The following DPYSL2 variants were observed in gnomAD, a reference collection of about 807,000 sequenced individuals.
DPYSL2 encodes the protein dihydropyrimidinase like 2, also known as dihydropyrimidinase-related protein 2.
DPYSL2 carries 13 observed loss-of-function variants against 69.9 expected under a neutral mutation model. The ratio of observed to expected loss-of-function variants is 0.19; its 90% CI spans 0.12 to 0.30. The LOEUF (loss-of-function observed/expected upper bound fraction) is 0.30, where lower values mean the gene tolerates loss of function less well. Ranked by LOEUF, DPYSL2 falls within the 10% of genes least tolerant of loss-of-function variation. DPYSL2 has a pLI of 1.00. For missense variants in DPYSL2, 587 were observed against 918.9 expected (o/e 0.64, Z 4.67); for synonymous variants, 326 against 359.1 (o/e 0.91, Z 1.04).
At position 26,571,520 on chromosome 8, in the gene DPYSL2, C is replaced by G. The variant is rs1415842741; in HGVS notation, c.355-10449C>G. ...CTGTAGCCACCCAGAGAATGAGGTG[C>G]AGGGTGGGCATTGCAGGAGTTCTTC... On this transcript the variant is annotated intron_variant, in intron 1 of 13. Transcript: ENST00000521913. This position sits in a 1 kb window ranked among gnomAD's most constrained non-coding sequence, Gnocchi z 6.1. Among the ~76,000 whole-genome samples, 2 of 152,132 alleles carry G rather than the reference C, an allele frequency of 1.3e-5. No individual in the cohort carries two copies. Among genetic ancestry groups the G allele is most frequent in the East Asian group, 3.9e-4 (2 of 5,194 alleles).
rs1179046372 is a variant in DPYSL2 at position 26,560,811 on chromosome 8, T to C, written c.355-21158T>C. On this transcript the variant is annotated intron_variant, in intron 1 of 13. Transcript: ENST00000521913. This position sits in a 1 kb window ranked among gnomAD's most constrained non-coding sequence, Gnocchi z 4.4. Reference sequence around the variant, plus strand: ...TGGACATTAGTATGATCTATGTAAGTATAATCACCAGCAGTTACAAAGTGC... The same window carrying C: ...TGGACATTAGTATGATCTATGTAAGCATAATCACCAGCAGTTACAAAGTGC... Among the ~76,000 whole-genome samples the C allele has an allele frequency of 6.6e-6, 1 of 152,186 alleles. No individual in the cohort carries two copies. The highest frequency in any genetic ancestry group is 2.4e-5 in the African/African-American group (1 of 41,442).
At chr8:26,606,471 C>T (rs1802109424) in intron 3 of DPYSL2, among the ~76,000 whole-genome samples, 1 of 151,716 alleles carries the variant, frequency 6.6e-6, no homozygotes, top group African/African-American at 2.4e-5. Flanking sequence ...AAAAGGATAA[C>T]GAAGTAGGAC....
rs1801536219 is a variant in DPYSL2 at position 26,583,675 on chromosome 8, C to T, written c.444-124C>T. 7 of 857,122 alleles carry T rather than the reference C, an allele frequency of 8.2e-6. No individual in the cohort carries two copies. The East Asian group carries it at 1.9e-4, about 23-fold the overall frequency. The allele number at this position is 857,122 out of a possible 1,614,324, so 53.1% of individuals were successfully genotyped here. A position where few individuals can be genotyped will look rare whatever the true frequency, so the allele number is the denominator to read the frequency against. ...TATAGTGTTTTATTATGAATCGTAA[C>T]AATGATCTGAAAAGCCCACGGCACA... On this transcript the variant is annotated intron_variant, in intron 2 of 13. Coordinates refer to ENST00000521913, the MANE Select transcript of DPYSL2 (RefSeq NM_001197293.3).
Position 26,610,365 on chromosome 8 carries a change from G to T in DPYSL2, c.629-13778G>T, listed in dbSNP as rs1802197785. ...ACATCACAGTGTCCTGTATTTGGGGGCTGCCCTGGGATGTGAAAAGTCTGT... is the reference window on the plus strand; with the variant it reads ...ACATCACAGTGTCCTGTATTTGGGGTCTGCCCTGGGATGTGAAAAGTCTGT... On this transcript the variant is annotated intron_variant, in intron 3 of 13. Transcript: ENST00000521913. The surrounding 1 kb of genome is among the most constrained non-coding windows in gnomAD (Gnocchi z 4.5). 6.6e-6 allele frequency among the ~76,000 whole-genome samples: 1 copy of T among 152,212 alleles called. No homozygotes were observed. Among genetic ancestry groups the T allele is most frequent in the Non-Finnish European group, 1.5e-5 (1 of 68,038 alleles).
intron 3 of DPYSL2, among the ~76,000 whole-genome samples, chr8:26,604,779 A>G (rs1802073398): frequency 6.6e-6 from 1 of 151,778 alleles, no homozygotes; most frequent in Non-Finnish European, 1.5e-5. Context: ...CTCCTGCCTC[A>G]GCCTCCCAAG....
At chr8:26,579,454 C>A (rs62491890) in intron 1 of DPYSL2, among the ~76,000 whole-genome samples, 2,080 of 152,332 alleles carry the variant, frequency 0.014, 26 homozygotes, top group Middle Eastern at 0.068. Flanking sequence ...CCAGCTGATT[C>A]CCGGGTAGAA....
At position 26,565,794 on chromosome 8, in the gene DPYSL2, C is replaced by A. The variant is rs912316017; in HGVS notation, c.355-16175C>A. ...CAGGGTCCCCGCTCCATGCAATTAA[C>A]TGGAAAGTCAAACTGCTGGTGGTTC... On this transcript the variant is annotated intron_variant, in intron 1 of 13. Transcript: ENST00000521913. The surrounding 1 kb of genome is among the most constrained non-coding windows in gnomAD (Gnocchi z 4.1). 6.6e-6 allele frequency among the ~76,000 whole-genome samples: 1 copy of A among 152,188 alleles called. No individual in the cohort carries two copies. The highest frequency in any genetic ancestry group is 2.4e-5 in the African/African-American group (1 of 41,450).
At position 26,620,437 on chromosome 8, in the gene DPYSL2, G is replaced by T. The variant is rs553013358; in HGVS notation, c.629-3706G>T. On this transcript the variant is annotated intron_variant, in intron 3 of 13. Coordinates refer to ENST00000521913, the MANE Select transcript of DPYSL2 (RefSeq NM_001197293.3). This position sits in a 1 kb window ranked among gnomAD's most constrained non-coding sequence, Gnocchi z 4.5. Reference sequence around the variant, plus strand: ...ACACCCAGTTAATTTTGTATTTTTAGTAGAGACGAGGTTTCATCATGTTGC... The same window carrying T: ...ACACCCAGTTAATTTTGTATTTTTATTAGAGACGAGGTTTCATCATGTTGC... Among the ~76,000 whole-genome samples, 1 of 151,696 alleles carries T rather than the reference G, an allele frequency of 6.6e-6. No individual in the cohort carries two copies. The highest frequency in any genetic ancestry group is 1.5e-5 in the Non-Finnish European group (1 of 67,904).
At chr8:26,629,560 G>A (rs959306931) in intron 7 of DPYSL2, among the ~76,000 whole-genome samples, 4 of 152,128 alleles carry the variant, frequency 2.6e-5, no homozygotes, top group South Asian at 2.1e-4. Flanking sequence ...CTTCTCATGC[G>A]TGCTAAAGGC....
chr8:26,577,046 C>T (rs1416072975), intron 1 of DPYSL2: 1 of 387,788 alleles, frequency 2.6e-6, no homozygotes, highest in Middle Eastern at 4.1e-4. Flanking sequence ...TACTAAGTTC[C>T]TCGCGGCCGG....
intron 1 of DPYSL2, among the ~76,000 whole-genome samples, chr8:26,575,153 C>CT (rs1185188413): frequency 2.0e-5 from 3 of 152,184 alleles, no homozygotes; most frequent in Non-Finnish European, 4.4e-5. Flanking sequence ...AGCCTAGTCT[C>CT]TAATATTTGT....
chr8:26,529,375 G>A (rs1800458059), intron 1 of DPYSL2, among the ~76,000 whole-genome samples: 1 of 151,286 alleles, frequency 6.6e-6, no homozygotes, highest in South Asian at 2.1e-4. Flanking sequence ...TGTCTCCCAG[G>A]CTGCAGTGCA....
chr8:26,652,240 C>G lies in DPYSL2; in HGVS notation c.1597-17C>G. The stretch of plus-strand genomic sequence containing the variant: ...CCAGAGTGGCCTGTTCTAGAGTTTA[C>G]TTTGCCTTCTTCTCAGTCTCTCGAG... On this transcript the variant is annotated splice_polypyrimidine_tract_variant and intron_variant, in intron 11 of 13. Coordinates refer to ENST00000521913, the MANE Select transcript of DPYSL2 (RefSeq NM_001197293.3). This position sits in a 1 kb window ranked among gnomAD's most constrained non-coding sequence, Gnocchi z 6.3. 2 of 1,606,766 alleles carry G rather than the reference C, an allele frequency of 1.2e-6. No homozygotes were observed. The highest frequency in any genetic ancestry group is 1.7e-6 in the Non-Finnish European group (2 of 1,175,922).
Position 26,595,152 on chromosome 8 carries a change from G to A in DPYSL2, c.628+11169G>A, listed in dbSNP as rs549442508. Reference sequence around the variant, plus strand: ...GTAGGAGGATTGCTTGAGCCCCAGAGTTTGAGGGTGCAGTGAGCTATGATT... The same window carrying A: ...GTAGGAGGATTGCTTGAGCCCCAGAATTTGAGGGTGCAGTGAGCTATGATT... On this transcript the variant is annotated intron_variant, in intron 3 of 13. Coordinates refer to ENST00000521913, the MANE Select transcript of DPYSL2 (RefSeq NM_001197293.3). Among the ~76,000 whole-genome samples, 84 of 152,194 alleles carry A rather than the reference G, an allele frequency of 5.5e-4. 1 individual carries two copies. The East Asian group carries it at 0.013, about 23-fold the overall frequency.
Position 26,514,820 on chromosome 8 carries a change from GC to G in DPYSL2, c.354+145del, listed in dbSNP as rs1418053609. The G allele has an allele frequency of 1.4e-5, 11 of 782,938 alleles. No individual in the cohort carries two copies. In the East Asian group the frequency reaches 3.4e-4, roughly 24 times the overall value. 48.5% of individuals were successfully genotyped at this position (782,938 alleles called of 1,614,324 possible). ...TCTGCACGCGCACCCCGCCCTACCC[GC>G]CCCTTCTCCGCGCAGGGTGCGGCGA... On this transcript the variant is annotated intron_variant, in intron 1 of 13. Coordinates refer to ENST00000521913, the MANE Select transcript of DPYSL2 (RefSeq NM_001197293.3). The surrounding 1 kb of genome is among the most constrained non-coding windows in gnomAD (Gnocchi z 8.4).
At chr8:26,556,176 GTATATACTATATATAT>G (rs1383458099) in intron 1 of DPYSL2, among the ~76,000 whole-genome samples, 180 of 3,382 alleles carry the variant, frequency 0.053, 56 homozygotes, top group African/African-American at 0.12. Flanking sequence ...ACTATATATA[GTATATACTATATATAT>G]TATATATACT....
At position 26,657,311 on chromosome 8, in the gene DPYSL2, T is replaced by C. The variant is rs1803414491; in HGVS notation, c.*1605T>C. On this transcript the variant is annotated 3_prime_UTR_variant, in exon 14 of 14. Coordinates refer to ENST00000521913, the MANE Select transcript of DPYSL2 (RefSeq NM_001197293.3). The stretch of plus-strand genomic sequence containing the variant: ...TCTCCTTTTCTGTCACCTTTCCCCC[T>C]AGCTGGCTCCTTTGGACCTACCCCT... 6.5e-6 allele frequency: 1 copy of C among 152,756 alleles called. No homozygotes were observed. The allele number at this position is 152,756 out of a possible 1,614,324, so 9.5% of individuals were successfully genotyped here. A position where few individuals can be genotyped will look rare whatever the true frequency, so the allele number is the denominator to read the frequency against.
Position 26,599,261 on chromosome 8 carries a change from T to C in DPYSL2, c.628+15278T>C, listed in dbSNP as rs1801938287. Among the ~76,000 whole-genome samples, 4 of 152,204 alleles carry C rather than the reference T, an allele frequency of 2.6e-5. No homozygotes were observed. The South Asian group carries it at 8.3e-4, about 31-fold the overall frequency. ...AGATGATTCAGAAGCTGTGTTCTGC[T>C]GAACATTCCTGCCTTCTTGACAGAA... On this transcript the variant is annotated intron_variant, in intron 3 of 13. Transcript: ENST00000521913.
At chr8:26,555,051 T>C (rs1800923808) in intron 1 of DPYSL2, among the ~76,000 whole-genome samples, 1 of 135,112 alleles carries the variant, frequency 7.4e-6, no homozygotes, top group Non-Finnish European at 1.6e-5. Context: ...AGTAAAACTA[T>C]CGACAAAATT....
Sources: allele counts gnomAD v4.1 joint callset (sites outside exome capture counted in the v4.1 genomes callset), GRCh38; gene constraint gnomAD v4.1.1; non-coding constraint Gnocchi (gnomAD v3.1); transcripts MANE v1.5; gene names NCBI Gene and HGNC (gene_info 2026-07-23, HGNC 2026-07-21).